MELTF: variants seen among roughly 807,000 people sequenced by gnomAD.
MELTF encodes the protein melanotransferrin.
In MELTF, 67 loss-of-function variants were observed where a neutral mutation model predicts 83.7. The ratio of observed to expected loss-of-function variants is 0.80; its 90% CI spans 0.66 to 0.98. The LOEUF is 0.98. Ranked by LOEUF, MELTF falls within the 50% of genes least tolerant of loss-of-function variation. The pLI, the probability that MELTF is intolerant of heterozygous loss-of-function variation, is 0.00. For synonymous variants in MELTF, 462 were observed against 447.6 expected, an observed-to-expected ratio of 1.03 and a Z score of -0.41; for missense variants, 1,002 against 1,035.6, an observed-to-expected ratio of 0.97 and a Z score of 0.44.
intron 10 of MELTF, 113 bp from the exon 11 acceptor site, chr3:197,009,925 A>G: frequency 1.0e-6 from 1 of 1,002,066 alleles, no homozygotes; most frequent in Non-Finnish European, 1.5e-6. Context: ...TGAGCTATGC[A>G]GGCCAAAGAG....
chr3:197,016,334 C>T lies in MELTF; in HGVS notation c.936G>A (p.Met312Ile), dbSNP rs1451185858. The T allele has an allele frequency of 6.2e-7, 1 of 1,606,256 alleles. No individual in the cohort carries two copies. The highest frequency in any genetic ancestry group is 8.5e-7 in the Non-Finnish European group (1 of 1,176,244). The change falls in exon 8 of 16, where the codon ATG (methionine) becomes ATA (isoleucine). Residue 312 changes from methionine (M) to isoleucine (I), a missense_variant. By Grantham distance (10) the Met-to-Ile change is conservative. Coordinates refer to ENST00000296350, the MANE Select transcript of MELTF (RefSeq NM_005929.6). Reference protein sequence around the residue: ...LFSHEGSSFQMFSSEAYGQKD... With the variant: ...LFSHEGSSFQIFSSEAYGQKD... ...TCTGGCCATAGGCCTCAGAGCTGAA[C>T]ATCTGGAAGCTGCTGCCCTCGTGGC...
At position 197,003,966 on chromosome 3, in the gene MELTF, C is replaced by T. The variant is rs1474973753; in HGVS notation, c.2072G>A (p.Gly691Asp). ...VPVGEKTTYR[G>D]WLGLDYVAAL... ...CGCCACGTAGTCCAGCCCCAGCCAGCCGCGGTAGGTGGTTTTCTCTCCGAC... is the reference window on the plus strand; with the variant it reads ...CGCCACGTAGTCCAGCCCCAGCCAGTCGCGGTAGGTGGTTTTCTCTCCGAC... The change falls in exon 15 of 16, where the codon GGC (glycine) becomes GAC (aspartate). Residue 691 changes from glycine (G) to aspartate (D), a missense_variant. Physicochemically the swap from Gly to Asp is moderately conservative, Grantham distance 94. Coordinates refer to ENST00000296350, the MANE Select transcript of MELTF (RefSeq NM_005929.6). This position sits in a 1 kb window ranked among gnomAD's most constrained non-coding sequence, Gnocchi z 6.2. The T allele has an allele frequency of 1.9e-6, 3 of 1,614,026 alleles. No individual in the cohort carries two copies. The highest frequency in any genetic ancestry group is 2.5e-6 in the Non-Finnish European group (3 of 1,180,040).
Position 197,003,757 on chromosome 3 carries a change from T to A in MELTF, c.2137+144A>T. The A allele has an allele frequency of 2.4e-6, 2 of 840,694 alleles. No homozygotes were observed. The highest frequency in any genetic ancestry group is 3.5e-6 in the Non-Finnish European group (2 of 566,648). The allele number at this position is 840,694 out of a possible 1,614,324, so 52.1% of individuals were successfully genotyped here. A position where few individuals can be genotyped will look rare whatever the true frequency, so the allele number is the denominator to read the frequency against. ...CCGGCCCGCAGCCTCCTGGCCAAAA[T>A]CCTCCCGGGACACCCCACCTGGACT... On this transcript the variant is annotated intron_variant, in intron 15 of 15. Transcript: ENST00000296350. The surrounding 1 kb of genome is among the most constrained non-coding windows in gnomAD (Gnocchi z 6.2).
rs368238758 is a variant in MELTF at position 197,016,045 on chromosome 3, C to T, written c.1081+144G>A. 1.8e-4 allele frequency: 126 copies of T among 692,528 alleles called. No individual in the cohort carries two copies. The African/African-American group carries it at 1.9e-3, about 11-fold the overall frequency. 42.9% of individuals were successfully genotyped at this position (692,528 alleles called of 1,614,324 possible). ...GAAGAGATGCCTCCTCCCCAAAGCC[C>T]CAGGGGCAGAGGAATGGAAATGACA... is the stretch of plus-strand genomic sequence containing the variant. On this transcript the variant is annotated intron_variant, in intron 8 of 15. Transcript: ENST00000296350.
intron 14 of MELTF, among the ~76,000 whole-genome samples, chr3:197,005,888 C>CAGTCTCCATCCTTAAGAGGGG (rs1718956514): frequency 6.6e-6 from 1 of 152,008 alleles, no homozygotes; most frequent in African/African-American, 2.4e-5. Flanking sequence ...CTTGTTAACT[C>CAGTCTCCATCCTTAAGAGGGG]CAGAGCAGAC....
At position 197,016,368 on chromosome 3, in the gene MELTF, C is replaced by T. The variant is rs140428837; in HGVS notation, c.902G>A (p.Arg301His). 5.7e-3 allele frequency: 9,023 copies of T among 1,582,358 alleles called. 37 individuals carry two copies. Among genetic ancestry groups the T allele is most frequent in the Non-Finnish European group, 7.1e-3 (8,257 of 1,163,976 alleles). The change falls in exon 8 of 16, where the codon CGT (arginine) becomes CAT (histidine). Residue 301 changes from arginine (R) to histidine (H), a missense_variant and splice_region_variant. Coordinates refer to ENST00000296350, the MANE Select transcript of MELTF (RefSeq NM_005929.6). ...GCTGCTGCCCTCGTGGCTGAACAGACGCTGTGTGTCAAGGGGTGTGGTACA... is the reference window on the plus strand; with the variant it reads ...GCTGCTGCCCTCGTGGCTGAACAGATGCTGTGTGTCAAGGGGTGTGGTACA... ...LIFRLLNEGQ[R>H]LFSHEGSSFQ...
intron 6 of MELTF, among the ~76,000 whole-genome samples, chr3:197,018,364 G>T (rs1719486871): frequency 6.6e-6 from 1 of 151,950 alleles, no homozygotes; most frequent in Non-Finnish European, 1.5e-5. Flanking sequence ...TGTTAGCCAG[G>T]ATGGTCTTGA....
In MELTF at chr3:197,027,670, C is replaced by T. The variant is rs1238654604; in HGVS notation, c.204+86G>A. 3 of 1,464,332 alleles carry T rather than the reference C, an allele frequency of 2.0e-6. No homozygotes were observed. The Admixed American group carries it at 6.1e-5, about 30-fold the overall frequency. The allele number at this position is 1,464,332 out of a possible 1,614,324, so 90.7% of individuals were successfully genotyped here. ...GCCGGGCCTGGCAGGGCGAGGTCGG[C>T]TCCTTTCCTGGTGAATGGGGCTGTT... On this transcript the variant is annotated intron_variant, in intron 2 of 15. Transcript: ENST00000296350.
chr3:197,017,541 A>G (rs1719430848), intron 6 of MELTF, among the ~76,000 whole-genome samples: 2 of 152,240 alleles, frequency 1.3e-5, no homozygotes, highest in Non-Finnish European at 2.9e-5. Context: ...TGACAGTAAT[A>G]CAATACTTAT....
rs906729240 is a variant in MELTF, at chr3:197,015,349, C to T, written c.1233+16G>A. ...ACCCGCCCACCTGGCCCACGCTGCA[C>T]CTGCGTGACTCCCACCTGGATCCGC... On this transcript the variant is annotated intron_variant, in intron 9 of 15. Transcript: ENST00000296350. 2.6e-6 allele frequency: 4 copies of T among 1,545,532 alleles called. No homozygotes were observed. Among genetic ancestry groups the T allele is most frequent in the Non-Finnish European group, 3.5e-6 (4 of 1,142,164 alleles).
Position 197,024,151 on chromosome 3 carries a change from G to T in MELTF, c.487+152C>A. 1 of 798,810 alleles carries T rather than the reference G, an allele frequency of 1.3e-6. No individual in the cohort carries two copies. Among genetic ancestry groups the T allele is most frequent in the Admixed American group, 3.0e-5 (1 of 33,716 alleles). 49.5% of individuals were successfully genotyped at this position (798,810 alleles called of 1,614,324 possible). A position where few individuals can be genotyped will look rare whatever the true frequency, so the allele number is the denominator to read the frequency against. On this transcript the variant is annotated intron_variant, in intron 4 of 15. Coordinates refer to ENST00000296350, the MANE Select transcript of MELTF (RefSeq NM_005929.6). The surrounding 1 kb of genome is among the most constrained non-coding windows in gnomAD (Gnocchi z 5.3). The stretch of plus-strand genomic sequence containing the variant: ...GGCGCCGGCGGCAGAGTGGAGGCGG[G>T]GGAGGCACGGGGCGGGCGGGGGCTG...
At chr3:197,017,701 C>A (rs918615283) in intron 6 of MELTF, among the ~76,000 whole-genome samples, 1 of 152,002 alleles carries the variant, frequency 6.6e-6, no homozygotes, top group African/African-American at 2.4e-5. Flanking sequence ...CACGGTGAAA[C>A]CCCATCTCTA....
At position 197,006,617 on chromosome 3, in the gene MELTF, G is replaced by A. The variant is rs767621366; in HGVS notation, c.1870C>T (p.Pro624Ser). Reference protein sequence around the residue: ...FAACNLAQIPPHAVMVRPDTN... With the variant: ...FAACNLAQIPSHAVMVRPDTN... ...TCGGGCCGGACCATCACGGCGTGGG[G>A]TGGTATCTGTGCCAGGTTGCAGGCT... is the stretch of plus-strand genomic sequence containing the variant. The change falls in exon 14 of 16, where the codon CCC (proline) becomes TCC (serine). Residue 624 changes from proline to serine, a missense_variant. Transcript: ENST00000296350. This position sits in a 1 kb window ranked among gnomAD's most constrained non-coding sequence, Gnocchi z 5.4. 6.2e-6 allele frequency: 10 copies of A among 1,613,380 alleles called. No individual in the cohort carries two copies. The highest frequency in any genetic ancestry group is 8.5e-6 in the Non-Finnish European group (10 of 1,179,616).
At chr3:197,014,051 C>T (rs945987880) in intron 9 of MELTF, among the ~76,000 whole-genome samples, 3 of 152,140 alleles carry the variant, frequency 2.0e-5, no homozygotes, top group Non-Finnish European at 4.4e-5. Context: ...AAGGGATGCC[C>T]GCACCCCATG....
At chr3:197,023,724 G>GTTT in intron 4 of MELTF, 5 of 357,758 alleles carry the variant, frequency 1.4e-5, no homozygotes, top group Middle Eastern at 9.8e-4. Flanking sequence ...CCTCTTCCTG[G>GTTT]TTTTTTTTTT....
In MELTF at chr3:197,023,010, C is replaced by T. The variant is rs778315489; in HGVS notation, c.591G>A (p.Gly197=). 1.2e-5 allele frequency: 19 copies of T among 1,613,696 alleles called. No homozygotes were observed. In the South Asian group the frequency reaches 1.9e-4, roughly 16 times the overall value. The change falls in exon 5 of 16, where the codon GGG becomes GGA. Residue 197 remains glycine (G), a synonymous_variant. Transcript: ENST00000296350. ...RLCRGDSSGE[G]VCDKSPLERY... is the part of the protein sequence containing the mutation. ...TCTCCAGGGGGCTCTTGTCACACAC[C>T]CCTTCCCCAGAGCTGTCACCCCTGC... is the stretch of plus-strand genomic sequence containing the variant.
intron 3 of MELTF, 34 bp downstream of exon 3, chr3:197,026,626 G>C (rs1179565866): frequency 1.3e-6 from 2 of 1,590,812 alleles, no homozygotes; most frequent in Admixed American, 1.7e-5. Context: ...TTCCAGCGCA[G>C]GCTGTCCTCT....
At chr3:197,013,213 G>A (rs956064262) in intron 9 of MELTF, among the ~76,000 whole-genome samples, 5 of 152,188 alleles carry the variant, frequency 3.3e-5, no homozygotes, top group South Asian at 2.1e-4. Context: ...AAATTAACCC[G>A]CAGTTTTACA....
At chr3:197,026,849 C>G in intron 2 of MELTF, 90 bp from the exon 3 acceptor site, 2 of 1,084,628 alleles carry the variant, frequency 1.8e-6, no homozygotes, top group Non-Finnish European at 2.7e-6. Flanking sequence ...TGGGGCCCCA[C>G]CCCAAGCCCC....
Sources: allele counts gnomAD v4.1 joint callset (sites outside exome capture counted in the v4.1 genomes callset), GRCh38; gene constraint gnomAD v4.1.1; non-coding constraint Gnocchi (gnomAD v3.1); transcripts MANE v1.5; gene names NCBI Gene and HGNC (gene_info 2026-07-23, HGNC 2026-07-21).